Variants in IFT140 observed in about 807,000 individuals in gnomAD.
IFT140 encodes the protein intraflagellar transport 140, also known as intraflagellar transport protein 140 homolog.
IFT140 carries 133 observed loss-of-function variants against 164.6 expected under a neutral mutation model. The observed-to-expected ratio is 0.81, with a 90% CI of 0.70 to 0.93. The LOEUF is 0.93. Ranked by LOEUF, IFT140 falls within the 40% of genes least tolerant of loss-of-function variation. The pLI, the probability that IFT140 is intolerant of heterozygous loss-of-function variation, is 0.00. For missense variants in IFT140, 2,045 were observed against 1,972.3 expected (o/e 1.04, Z -0.70); for synonymous variants, 860 against 817.3 (o/e 1.05, Z -0.89).
At chr16:1,544,824 A>G (rs2032018285) in intron 19 of IFT140, among the ~76,000 whole-genome samples, 4 of 147,036 alleles carry the variant, frequency 2.7e-5, no homozygotes, top group African/African-American at 7.6e-5. Flanking sequence ...AATTTTTTGT[A>G]TTTTTAGTAG....
intron 26 of IFT140, among the ~76,000 whole-genome samples, chr16:1,522,390 C>T (rs1247669598): frequency 6.6e-6 from 1 of 151,932 alleles, no homozygotes; most frequent in Non-Finnish European, 1.5e-5. Flanking sequence ...ACAAAATTAG[C>T]CGGGCGTGGT....
At chr16:1,606,927 C>T (rs918897538) in intron 3 of IFT140, among the ~76,000 whole-genome samples, 193 bp downstream of exon 3, 1 of 149,730 alleles carries the variant, frequency 6.7e-6, no homozygotes, top group African/African-American at 2.4e-5. Context: ...CACGTGTGCG[C>T]ACACACACAC....
intron 4 of IFT140, among the ~76,000 whole-genome samples, chr16:1,595,175 C>T (rs1472388134): frequency 6.6e-6 from 1 of 152,192 alleles, no homozygotes. Context: ...GTCCCAGCTA[C>T]TCGGGAGGCT....
intron 11 of IFT140, 101 bp downstream of exon 11, chr16:1,584,116 G>A (rs2034732769): frequency 2.3e-6 from 2 of 867,454 alleles, no homozygotes; most frequent in East Asian, 5.3e-5. Flanking sequence ...GGAACTGAGA[G>A]TGGCCTAACC....
intron 19 of IFT140, among the ~76,000 whole-genome samples, chr16:1,547,037 G>A (rs533439684): frequency 6.6e-6 from 1 of 152,340 alleles, no homozygotes; most frequent in South Asian, 2.1e-4. Context: ...AGTATGCTGG[G>A]CTTAGCTGGG....
chr16:1,610,416 C>T (rs565707144), intron 2 of IFT140: 68 of 154,796 alleles, frequency 4.4e-4, no homozygotes, highest in Middle Eastern at 2.6e-3. Flanking sequence ...CTCCCAGCTA[C>T]CGGAATCAGC....
At chr16:1,587,875 G>A (rs1027130361) in intron 8 of IFT140, 58 bp downstream of exon 8, 7 of 1,347,318 alleles carry the variant, frequency 5.2e-6, no homozygotes, top group Non-Finnish European at 6.2e-6. Context: ...AGCTGACTTA[G>A]AGGAGCCTGT....
intron 19 of IFT140, among the ~76,000 whole-genome samples, chr16:1,537,892 G>A (rs1457225613): frequency 1.3e-5 from 2 of 152,126 alleles, no homozygotes; most frequent in East Asian, 1.9e-4. Context: ...CACATCAAAC[G>A]GGCACGTAAG....
At chr16:1,607,751 C>T (rs949846655) in intron 2 of IFT140, among the ~76,000 whole-genome samples, 4 of 152,152 alleles carry the variant, frequency 2.6e-5, no homozygotes, top group African/African-American at 9.7e-5. Flanking sequence ...TCAAGTGATC[C>T]TCCCACCTCA....
At chr16:1,581,810 G>C (rs1255143719) in intron 12 of IFT140, among the ~76,000 whole-genome samples, 1 of 119,286 alleles carries the variant, frequency 8.4e-6, no homozygotes, top group Non-Finnish European at 1.8e-5. Context: ...GGAGGGGATG[G>C]GAGTGGAGGG....
intron 20 of IFT140, chr16:1,526,316 C>CCCCCTCCCACAGCCT: frequency 1.7e-6 from 1 of 591,208 alleles, no homozygotes; most frequent in Admixed American, 3.1e-5. Context: ...TCCCACAGCC[C>CCCCCTCCCACAGCCT]CCCCTCCCAC....
intron 29 of IFT140, among the ~76,000 whole-genome samples, chr16:1,518,570 A>G (rs1272198496): frequency 6.6e-6 from 1 of 151,986 alleles, no homozygotes. Flanking sequence ...GCTGGGTCCT[A>G]TGCTTGGACT....
In IFT140 at chr16:1,523,717, C is replaced by T; in HGVS notation, c.3271-17G>A. 6.2e-7 allele frequency: 1 copy of T among 1,609,860 alleles called. No individual in the cohort carries two copies. The highest frequency in any genetic ancestry group is 8.5e-7 in the Non-Finnish European group (1 of 1,177,810). On this transcript the variant is annotated splice_polypyrimidine_tract_variant and intron_variant, in intron 25 of 30. Coordinates refer to ENST00000426508, the MANE Select transcript of IFT140 (RefSeq NM_014714.4). Reference sequence around the variant, plus strand: ...GTGGCCAGCCTGCGGATACGGTGGGCTCTGAGCAGCTGCCCGAGGCCTGGG... The same window carrying T: ...GTGGCCAGCCTGCGGATACGGTGGGTTCTGAGCAGCTGCCCGAGGCCTGGG...
chr16:1,512,312 G>T, intron 30 of IFT140, among the ~76,000 whole-genome samples: 1 of 152,064 alleles, frequency 6.6e-6, no homozygotes, highest in East Asian at 1.9e-4. Context: ...GAGGGTGTGT[G>T]CGGGCTGTGC....
At chr16:1,534,605 G>T in intron 19 of IFT140, 1 of 1,594,274 alleles carries the variant, frequency 6.3e-7, no homozygotes, top group Non-Finnish European at 8.5e-7. Context: ...AGGCTCGAGG[G>T]CACATGGGAG....
chr16:1,520,447 C>T (rs2040487911), intron 27 of IFT140, 104 bp from the exon 28 acceptor site: 10 of 1,381,522 alleles, frequency 7.2e-6, no homozygotes, highest in Non-Finnish European at 9.1e-6. Context: ...TCAGGGCTGC[C>T]CGGTAGAGAG....
intron 13 of IFT140, chr16:1,576,567 G>A (rs2034287392): frequency 1.3e-5 from 2 of 150,896 alleles, no homozygotes; most frequent in Admixed American, 6.6e-5. Context: ...ACTCCAGCCT[G>A]GGTGACAGAG....
intron 1 of IFT140, among the ~76,000 whole-genome samples, chr16:1,611,482 G>C (rs2036315483): frequency 7.0e-6 from 1 of 142,352 alleles, no homozygotes; most frequent in African/African-American, 2.7e-5. Flanking sequence ...CTGGGCGACA[G>C]AGCGAGTCAA....
rs373923984 is a variant in IFT140, at chr16:1,558,030, G to A, written c.2304C>T (p.Cys768=). Residue 768 remains cysteine (C), a synonymous_variant, in exon 19 of 31, where the codon TGC becomes TGT. Transcript: ENST00000426508. ...PLRDFVGLED[C]DKATRDAMLH... is the part of the protein sequence containing the mutation. ...GCATGGCGTCCCGGGTGGCCTTGTC[G>A]CAGTCCTCCAGCCCCACAAAGTCTC... The A allele has an allele frequency of 1.2e-5, 20 of 1,613,942 alleles. No homozygotes were observed. Among genetic ancestry groups the A allele is most frequent in the South Asian group, 8.8e-5 (8 of 91,060 alleles).
Sources: gnomAD v4.1 joint callset for allele counts (sites outside exome capture counted in the v4.1 genomes callset) on GRCh38, gnomAD v4.1.1 for gene constraint, MANE v1.5 for transcripts, NCBI Gene and HGNC (gene_info 2026-07-23, HGNC 2026-07-21) for gene names.